Variants in AP1S3 observed in about 807,000 individuals in gnomAD.
The protein encoded by AP1S3 is adaptor related protein complex 1 subunit sigma 3.
Under a neutral mutation model 20.9 loss-of-function variants are expected in AP1S3, and 10 were observed. The ratio of observed to expected loss-of-function variants is 0.48; its 90% CI spans 0.29 to 0.81. The LOEUF (loss-of-function observed/expected upper bound fraction) is 0.81, where lower values mean the gene tolerates loss of function less well. AP1S3 is among the 30% of genes least tolerant of loss of function. The pLI is 0.08. For missense variants in AP1S3, 154 were observed against 183.8 expected, an observed-to-expected ratio of 0.84 and a Z score of 0.94; for synonymous variants, 41 against 61.5, an observed-to-expected ratio of 0.67 and a Z score of 1.56.
At chr2:223,794,163 A>T (rs1231604153) in intron 1 of AP1S3, among the ~76,000 whole-genome samples, 1 of 151,886 alleles carries the variant, frequency 6.6e-6, no homozygotes, top group Admixed American at 6.6e-5. Flanking sequence ...CAGAATGGGG[A>T]CTCACATATT....
intron 3 of AP1S3, among the ~76,000 whole-genome samples, chr2:223,770,497 T>TACACAC (rs58486635): frequency 0.06 from 8,486 of 141,460 alleles, 317 homozygotes; most frequent in Middle Eastern, 0.12. Flanking sequence ...AGAGAGACAA[T>TACACAC]ACACACACAC....
At chr2:223,765,393 A>C (rs1489950294) in intron 3 of AP1S3, 43 bp from the exon 4 acceptor site, 1 of 1,574,322 alleles carries the variant, frequency 6.4e-7, no homozygotes, top group South Asian at 1.2e-5. Flanking sequence ...TTGCAGTTGT[A>C]TCAGGGGAAA....
At chr2:223,766,212 G>T (rs1342280592) in intron 3 of AP1S3, among the ~76,000 whole-genome samples, 1 of 152,154 alleles carries the variant, frequency 6.6e-6, no homozygotes, top group Non-Finnish European at 1.5e-5. Context: ...TGAGTCTCCA[G>T]ACTGCATAAA....
chr2:223,825,203 C>T (rs1377244451), intron 1 of AP1S3, among the ~76,000 whole-genome samples: 1 of 151,800 alleles, frequency 6.6e-6, no homozygotes, highest in Non-Finnish European at 1.5e-5. Context: ...GTCCCAGCTA[C>T]TCCTGAGGCT....
intron 4 of AP1S3, among the ~76,000 whole-genome samples, chr2:223,761,424 C>A (rs1690350935): frequency 6.6e-6 from 1 of 152,130 alleles, no homozygotes; most frequent in African/African-American, 2.4e-5. Context: ...TACAATCTGA[C>A]CCTCCCCTTC....
At chr2:223,759,027 C>T (rs76802863) in intron 4 of AP1S3, among the ~76,000 whole-genome samples, 8 of 152,150 alleles carry the variant, frequency 5.3e-5, no homozygotes, top group African/African-American at 1.9e-4. Flanking sequence ...CAGTGTGGTG[C>T]TCACGCCTGT....
In AP1S3 at chr2:223,758,696, T is replaced by C. The variant is rs1482718568; in HGVS notation, c.*19A>G. The C allele has an allele frequency of 6.2e-7, 1 of 1,605,240 alleles. No homozygotes were observed. Among genetic ancestry groups the C allele is most frequent in the Non-Finnish European group, 8.5e-7 (1 of 1,176,134 alleles). ...AGCTTCATAACATGTAGTGCTGGAG[T>C]CTTCAAGTAGATTTCCAGTTAAAAT... On this transcript the variant is annotated 3_prime_UTR_variant, in exon 5 of 5. Transcript: ENST00000396654.
chr2:223,773,389 A>G (rs760307786), intron 3 of AP1S3: 1 of 1,297,520 alleles, frequency 7.7e-7, no homozygotes, highest in South Asian at 1.3e-5. Flanking sequence ...AAAATGTGAG[A>G]ATTCATTTGA....
chr2:223,795,365 C>T (rs768603611), intron 1 of AP1S3, among the ~76,000 whole-genome samples: 7 of 152,198 alleles, frequency 4.6e-5, no homozygotes, highest in Non-Finnish European at 7.3e-5. Flanking sequence ...ATTTGCCAGA[C>T]GGAAGTTTCC....
chr2:223,805,841 A>T (rs1691566824), intron 1 of AP1S3, among the ~76,000 whole-genome samples: 1 of 152,148 alleles, frequency 6.6e-6, no homozygotes, highest in Non-Finnish European at 1.5e-5. Flanking sequence ...TTTTACAAAT[A>T]ATTATTATTC....
chr2:223,759,251 C>T (rs2106073437), intron 4 of AP1S3, among the ~76,000 whole-genome samples: 1 of 151,626 alleles, frequency 6.6e-6, no homozygotes, highest in East Asian at 1.9e-4. Context: ...TGCACTCCAG[C>T]CTGGGTGACA....
intron 1 of AP1S3, among the ~76,000 whole-genome samples, chr2:223,823,702 T>C (rs1692050082): frequency 6.6e-6 from 1 of 152,194 alleles, no homozygotes; most frequent in South Asian, 2.1e-4. Context: ...AAAAACAATG[T>C]ATTATATACT....
At chr2:223,828,026 T>A (rs1692171758) in intron 1 of AP1S3, among the ~76,000 whole-genome samples, 1 of 125,636 alleles carries the variant, frequency 8.0e-6, no homozygotes, top group Non-Finnish European at 1.6e-5. Context: ...GTCATTGCAC[T>A]CCAGCCTGGG....
chr2:223,822,738 T>C (rs778971408), intron 1 of AP1S3, among the ~76,000 whole-genome samples: 5 of 151,990 alleles, frequency 3.3e-5, no homozygotes, highest in Non-Finnish European at 5.9e-5. Flanking sequence ...TAAACTCCTC[T>C]ATTACATCAA....
chr2:223,812,658 T>C (rs1017760396), intron 1 of AP1S3, among the ~76,000 whole-genome samples: 1 of 152,194 alleles, frequency 6.6e-6, no homozygotes, highest in Non-Finnish European at 1.5e-5. Context: ...AAATAAAACT[T>C]AATTATGAAG....
At chr2:223,800,128 T>C (rs1274855500) in intron 1 of AP1S3, among the ~76,000 whole-genome samples, 4 of 151,510 alleles carry the variant, frequency 2.6e-5, no homozygotes, top group Admixed American at 1.3e-4. Flanking sequence ...GACAAATGAA[T>C]TGCTTCAACC....
At chr2:223,796,377 A>T (rs1465674586) in intron 1 of AP1S3, among the ~76,000 whole-genome samples, 1 of 152,176 alleles carries the variant, frequency 6.6e-6, no homozygotes, top group Non-Finnish European at 1.5e-5. Context: ...GTACCCCAGA[A>T]GGACATTCTT....
chr2:223,820,813 A>G (rs995022837), intron 1 of AP1S3, among the ~76,000 whole-genome samples: 1 of 152,168 alleles, frequency 6.6e-6, no homozygotes, highest in African/African-American at 2.4e-5. Flanking sequence ...TTGGGAGTAT[A>G]TGTCTGTTTC....
chr2:223,820,040 A>G (rs2106124824), intron 1 of AP1S3, among the ~76,000 whole-genome samples: 1 of 152,310 alleles, frequency 6.6e-6, no homozygotes, highest in East Asian at 1.9e-4. Flanking sequence ...TGCAAATTTT[A>G]TTGGCATAAT....
Sources: gnomAD v4.1 joint callset for allele counts (sites outside exome capture counted in the v4.1 genomes callset) on GRCh38, gnomAD v4.1.1 for gene constraint, MANE v1.5 for transcripts, NCBI Gene and HGNC (gene_info 2026-07-23, HGNC 2026-07-21) for gene names.